The following MIA3 variants were observed in gnomAD, a reference collection of about 807,000 sequenced individuals.
The protein encoded by MIA3 is transport and Golgi organization protein 1 homolog.
A neutral mutation model predicts 192.4 loss-of-function variants in MIA3; 90 were observed. The ratio of observed to expected loss-of-function variants is 0.47; its 90% confidence interval spans 0.39 to 0.56. The LOEUF is 0.56. Among genes scored for constraint, MIA3 ranks in the 20% least tolerant of loss-of-function variants. MIA3 has a pLI of 0.00. For missense variants in MIA3, 2,123 were observed against 2,269.4 expected, an observed-to-expected ratio of 0.94 and a Z score of 1.31; for synonymous variants, 740 against 792.8, an observed-to-expected ratio of 0.93 and a Z score of 1.12.
chr1:222,654,869 T>C (rs1251870167), intron 18 of MIA3, 76 bp downstream of exon 18: 14 of 1,265,504 alleles, frequency 1.1e-5, no homozygotes, highest in Non-Finnish European at 1.3e-5. Context: ...GATAATGTTA[T>C]CGTTTTTCAG....
At chr1:222,623,245 A>AT (rs1211279539) in intron 2 of MIA3, among the ~76,000 whole-genome samples, 3 of 148,546 alleles carry the variant, frequency 2.0e-5, no homozygotes, top group Admixed American at 6.7e-5. Context: ...AGACATAAAG[A>AT]TTTTTTCTTG....
intron 1 of MIA3, among the ~76,000 whole-genome samples, chr1:222,620,683 A>G (rs1661814865): frequency 6.6e-6 from 1 of 152,206 alleles, no homozygotes; most frequent in Non-Finnish European, 1.5e-5. Context: ...GTTCAAGTTA[A>G]TTGACCTCTT....
chr1:222,624,921 A>G, intron 3 of MIA3, 67 bp downstream of exon 3: 1 of 781,578 alleles, frequency 1.3e-6, no homozygotes, highest in South Asian at 1.5e-5. Context: ...CTAGAAAAAA[A>G]GAAAAATTTC....
At chr1:222,645,853 T>A in intron 7 of MIA3, 168 bp downstream of exon 7, 1 of 581,850 alleles carries the variant, frequency 1.7e-6, no homozygotes, top group Non-Finnish European at 2.8e-6. Context: ...AATTCTTAAG[T>A]GAATAAGACA....
chr1:222,636,666 C>T (rs1189239752), intron 6 of MIA3, among the ~76,000 whole-genome samples: 1 of 152,028 alleles, frequency 6.6e-6, no homozygotes, highest in Admixed American at 6.5e-5. Flanking sequence ...GCACCCGCCA[C>T]CACACCCGGC....
chr1:222,624,659 A>G, intron 2 of MIA3, 109 bp from the exon 3 acceptor site: 1 of 629,618 alleles, frequency 1.6e-6, no homozygotes, highest in Non-Finnish European at 2.9e-6. Flanking sequence ...TACAAGAAAA[A>G]GTTGATTGCT....
At chr1:222,641,273 G>C (rs962962751) in intron 6 of MIA3, 1 of 229,206 alleles carries the variant, frequency 4.4e-6, no homozygotes, top group Non-Finnish European at 8.8e-6. Flanking sequence ...AGAAAGACTT[G>C]TAGGTCAATG....
In MIA3 at chr1:222,658,641, A is replaced by C. The variant is rs1663852288; in HGVS notation, c.4608-81A>C. 12 of 905,374 alleles carry C rather than the reference A, an allele frequency of 1.3e-5. No homozygotes were observed. In the East Asian group the frequency reaches 3.1e-4, roughly 23 times the overall value. 56.1% of individuals were successfully genotyped at this position (905,374 alleles called of 1,614,324 possible). On this transcript the variant is annotated intron_variant, in intron 18 of 27. Transcript: ENST00000344922. ...ATGCATTTTTAAGAATAGGATAGGA[A>C]GTGAGATTTTATTGGAGTATTCAGA...
chr1:222,630,295 C>G lies in MIA3; in HGVS notation c.3075C>G (p.Ile1025Met). The change falls in exon 4 of 28, where the codon ATC becomes ATG. Residue 1025 changes from isoleucine (I) to methionine (M), a missense_variant. Ile to Met is a conservative substitution (Grantham distance 10, BLOSUM62 1). Around this residue, in one of 3 missense-constraint regions of MIA3, gnomAD observed 1,357 missense variants for 1,396.1 expected, o/e 0.97. Transcript: ENST00000344922. ...AAVLDDIQDL[I>M]YFVRYKHSTA... ...TGCTTGATGACATTCAAGACCTCATCTATTTTGTCAGGTACAAGCACTCCA... is the reference window on the plus strand; with the variant it reads ...TGCTTGATGACATTCAAGACCTCATGTATTTTGTCAGGTACAAGCACTCCA... The G allele has an allele frequency of 3.7e-6, 6 of 1,614,186 alleles. No individual in the cohort carries two copies. The highest frequency in any genetic ancestry group is 5.1e-6 in the Non-Finnish European group (6 of 1,180,022).
intron 18 of MIA3, among the ~76,000 whole-genome samples, chr1:222,655,629 G>A (rs1191457130): frequency 1.3e-5 from 2 of 152,204 alleles, no homozygotes; most frequent in Non-Finnish European, 2.9e-5. Context: ...TCACCAGGCA[G>A]CCAGTTTAGA....
At chr1:222,621,699 ATAT>A (rs1417639892) in intron 2 of MIA3, among the ~76,000 whole-genome samples, 1 of 152,124 alleles carries the variant, frequency 6.6e-6, no homozygotes, top group Non-Finnish European at 1.5e-5. Flanking sequence ...TTCTTTGTTT[ATAT>A]TATTATTTAT....
At chr1:222,625,340 T>G (rs1263138702) in intron 3 of MIA3, among the ~76,000 whole-genome samples, 1 of 152,254 alleles carries the variant, frequency 6.6e-6, no homozygotes, top group Non-Finnish European at 1.5e-5. Context: ...TTTTCTTTGC[T>G]GCTTTATATG....
chr1:222,654,256 G>A lies in MIA3; in HGVS notation c.4335G>A (p.Glu1445=), dbSNP rs747719958. Residue 1445 remains glutamate, a synonymous_variant, in exon 16 of 28, where the codon GAG becomes GAA. Transcript: ENST00000344922. ...ANGEVGGDRN[E]KMKNQIKQMM... is the part of the protein sequence containing the mutation. ...TTTGTTTTTTAGGTGACCGGAATGA[G>A]AAGATGAAAAATCAAATTAAGCAGA... The A allele has an allele frequency of 5.0e-6, 8 of 1,613,970 alleles. No homozygotes were observed. Among genetic ancestry groups the A allele is most frequent in the Non-Finnish European group, 6.8e-6 (8 of 1,179,946 alleles).
Position 222,653,090 on chromosome 1 carries a change from A to G in MIA3, c.4169A>G (p.Asp1390Gly). The stretch of plus-strand genomic sequence containing the variant: ...AAATCATTTGAGAAGTCTCAGAAAG[A>G]TTTGGAAGTAGCTCTTACTCACAAG... ...QIKSFEKSQK[D>G]LEVALTHKDD... Residue 1390 changes from aspartate to glycine, a missense_variant, in exon 14 of 28, where the codon GAT becomes GGT. Around this residue, in one of 3 missense-constraint regions of MIA3, gnomAD observed 762 missense variants for 856.4 expected, o/e 0.89. Transcript: ENST00000344922. 6.2e-7 allele frequency: 1 copy of G among 1,612,364 alleles called. No individual in the cohort carries two copies. The highest frequency in any genetic ancestry group is 8.5e-7 in the Non-Finnish European group (1 of 1,178,430).
At chr1:222,658,862 A>T (rs1663866011) in intron 19 of MIA3, 39 bp downstream of exon 19, 1 of 1,405,268 alleles carries the variant, frequency 7.1e-7, no homozygotes, top group South Asian at 1.2e-5. Flanking sequence ...GTGGCTAATG[A>T]AACTAGTGTT....
chr1:222,640,063 G>A (rs919390625), intron 6 of MIA3, among the ~76,000 whole-genome samples: 2 of 152,014 alleles, frequency 1.3e-5, no homozygotes, highest in Admixed American at 1.3e-4. Flanking sequence ...ATGAACAATT[G>A]GAAATTGAAG....
At chr1:222,659,553 C>T (rs1194049154) in intron 20 of MIA3, 40 bp downstream of exon 20, 1 of 1,610,874 alleles carries the variant, frequency 6.2e-7, no homozygotes, top group Non-Finnish European at 8.5e-7. Flanking sequence ...GCCCGGAATT[C>T]TTTGATAACT....
chr1:222,625,015 CTTT>C (rs566044781), intron 3 of MIA3, among the ~76,000 whole-genome samples, 161 bp downstream of exon 3: 1 of 145,948 alleles, frequency 6.9e-6, no homozygotes, highest in Admixed American at 6.9e-5. Context: ...GCTATGTACT[CTTT>C]TTTTTTTTTG....
Position 222,659,809 on chromosome 1 carries a change from G to A in MIA3, c.4874+8G>A, listed in dbSNP as rs1300022602. 5 of 1,613,576 alleles carry A rather than the reference G, an allele frequency of 3.1e-6. No homozygotes were observed. The African/African-American group carries it at 6.7e-5, about 22-fold the overall frequency. ...TGCCAATTTGAGACACAAGTATGTG[G>A]ATTTTGATGGCTATATTTTCAGCGC... On this transcript the variant is annotated splice_region_variant and intron_variant, in intron 22 of 27. Coordinates refer to ENST00000344922, the MANE Select transcript of MIA3 (RefSeq NM_198551.4).
Sources: gnomAD v4.1 joint callset for allele counts (sites outside exome capture counted in the v4.1 genomes callset) on GRCh38, gnomAD v4.1.1 for gene constraint, gnomAD v4.1.1 regional missense constraint, MANE v1.5 for transcripts, NCBI Gene and HGNC (gene_info 2026-07-23, HGNC 2026-07-21) for gene names.